TTC1: variants seen among roughly 807,000 people sequenced by gnomAD.
TTC1 encodes the protein tetratricopeptide repeat protein 1.
Under a neutral mutation model 37.6 loss-of-function variants are expected in TTC1, and 31 were observed. That is an observed-to-expected ratio of 0.82 (90% CI 0.62 to 1.11). The LOEUF is 1.11. Among genes scored for constraint, TTC1 ranks in the 50% most tolerant of loss-of-function variants. The pLI is 0.00. For synonymous variants in TTC1, 127 were observed against 122.4 expected (o/e 1.04, Z -0.25); for missense variants, 351 against 339.0 (o/e 1.04, Z -0.28).
In TTC1 at chr5:160,057,863, G is replaced by C. The variant is rs568712348; in HGVS notation, c.745+6680G>C. Among the ~76,000 whole-genome samples the C allele has an allele frequency of 2.6e-5, 4 of 152,260 alleles. No homozygotes were observed. The East Asian group carries it at 7.7e-4, about 29-fold the overall frequency. ...GGCTCACTGCAACCCCGCCTCCTGG[G>C]TTCAAACAATTCTTCTGCCTCAGCC... On this transcript the variant is annotated intron_variant, in intron 7 of 7. Coordinates refer to ENST00000231238, the MANE Select transcript of TTC1 (RefSeq NM_003314.3). This position sits in a 1 kb window ranked among gnomAD's most constrained non-coding sequence, Gnocchi z 4.4.
At chr5:160,046,099 G>A (rs538924141) in intron 5 of TTC1, among the ~76,000 whole-genome samples, 1 of 152,224 alleles carries the variant, frequency 6.6e-6, no homozygotes, top group East Asian at 1.9e-4. Flanking sequence ...TTCAATTGCT[G>A]TACCATTTAT....
At position 160,045,836 on chromosome 5, in the gene TTC1, A is replaced by G. The variant is rs186651153; in HGVS notation, c.541+2667A>G. Reference sequence around the variant, plus strand: ...TGGCTCACTGCAACCTCTGCCTCCCAGGTTCAAGCGACTCTTCTGCCTCAG... The same window carrying G: ...TGGCTCACTGCAACCTCTGCCTCCCGGGTTCAAGCGACTCTTCTGCCTCAG... On this transcript the variant is annotated intron_variant, in intron 5 of 7. Transcript: ENST00000231238. 4.0e-3 allele frequency among the ~76,000 whole-genome samples: 607 copies of G among 151,960 alleles called. 4 individuals carry two copies. The highest frequency in any genetic ancestry group is 6.4e-3 in the Non-Finnish European group (433 of 67,936).
chr5:160,040,323 G>A lies in TTC1; in HGVS notation c.505-2810G>A, dbSNP rs539538298. The stretch of plus-strand genomic sequence containing the variant: ...TGCCATGAATGGATCTTGCAGGACT[G>A]GAAATTGCTCTGGGTGAGTCAGTGA... On this transcript the variant is annotated intron_variant, in intron 4 of 7. Coordinates refer to ENST00000231238, the MANE Select transcript of TTC1 (RefSeq NM_003314.3). Among the ~76,000 whole-genome samples the A allele has an allele frequency of 1.1e-4, 17 of 152,224 alleles. No homozygotes were observed. In the East Asian group the frequency reaches 2.5e-3, roughly 22 times the overall value.
chr5:160,041,090 C>T (rs964512657), intron 4 of TTC1, among the ~76,000 whole-genome samples: 1 of 151,896 alleles, frequency 6.6e-6, no homozygotes, highest in Admixed American at 6.6e-5. Context: ...TCCTCAAGAG[C>T]GACACATACA....
intron 4 of TTC1, among the ~76,000 whole-genome samples, chr5:160,039,942 A>G (rs997938421): frequency 6.6e-6 from 1 of 152,216 alleles, no homozygotes. Context: ...TGGCCATTTT[A>G]AAGTACAGTC....
intron 7 of TTC1, among the ~76,000 whole-genome samples, chr5:160,054,069 G>T (rs9791023): frequency 0.041 from 6,257 of 152,062 alleles, 159 homozygotes; most frequent in East Asian, 0.12. Flanking sequence ...AGTGGGGGTT[G>T]GTTGTTTTTG....
At chr5:160,041,644 G>A (rs1419651808) in intron 4 of TTC1, among the ~76,000 whole-genome samples, 1 of 152,048 alleles carries the variant, frequency 6.6e-6, no homozygotes, top group African/African-American at 2.4e-5. Context: ...TTGCAGTGCA[G>A]TAGGTTTGTT....
In TTC1 at chr5:160,040,801, TG is replaced by T. The variant is rs535513806; in HGVS notation, c.505-2328del. On this transcript the variant is annotated intron_variant, in intron 4 of 7. Coordinates refer to ENST00000231238, the MANE Select transcript of TTC1 (RefSeq NM_003314.3). ...TTTTTTTTTTTAATTTTTTTAGAAA[TG>T]GGGTCTTGTGTTTCACAGATTAGTC... is the stretch of plus-strand genomic sequence containing the variant. 1.3e-4 allele frequency among the ~76,000 whole-genome samples: 19 copies of T among 151,884 alleles called. No homozygotes were observed. The South Asian group carries it at 4.0e-3, about 32-fold the overall frequency.
chr5:160,018,148 C>T (rs1462408565), intron 2 of TTC1, among the ~76,000 whole-genome samples: 1 of 152,158 alleles, frequency 6.6e-6, no homozygotes, highest in African/African-American at 2.4e-5. Context: ...TTGGGCCCTT[C>T]TACTCCCCTT....
chr5:160,011,929 A>C (rs1756508851), intron 2 of TTC1, among the ~76,000 whole-genome samples: 1 of 152,200 alleles, frequency 6.6e-6, no homozygotes, highest in South Asian at 2.1e-4. Flanking sequence ...TGGGGTGGGT[A>C]GGAGCATCTT....
At chr5:160,032,307 C>CTT (rs1156733058) in intron 2 of TTC1, among the ~76,000 whole-genome samples, 1 of 152,184 alleles carries the variant, frequency 6.6e-6, no homozygotes, top group African/African-American at 2.4e-5. Flanking sequence ...ATTGAAAACT[C>CTT]TTAAAGAGTG....
At chr5:160,064,875 A>G (rs1753552856) in intron 7 of TTC1, 57 bp from the exon 8 acceptor site, 1 of 1,553,718 alleles carries the variant, frequency 6.4e-7, no homozygotes. Context: ...ATTAATTGGT[A>G]CCTTCCTGCT....
intron 7 of TTC1, among the ~76,000 whole-genome samples, chr5:160,053,469 TGGGA>T (rs1288211314): frequency 6.6e-6 from 1 of 151,986 alleles, no homozygotes; most frequent in Non-Finnish European, 1.5e-5. Flanking sequence ...GAGGCTGCTG[TGGGA>T]GGATCACTTG....
intron 7 of TTC1, among the ~76,000 whole-genome samples, chr5:160,062,552 G>C (rs1753452870): frequency 1.3e-5 from 2 of 152,220 alleles, no homozygotes; most frequent in Non-Finnish European, 2.9e-5. Context: ...TTACATGATA[G>C]ATGCCAAGTA....
At chr5:160,023,099 C>CA (rs898560646) in intron 2 of TTC1, among the ~76,000 whole-genome samples, 5 of 151,318 alleles carry the variant, frequency 3.3e-5, no homozygotes, top group African/African-American at 4.8e-5. Flanking sequence ...ACTAAAAATA[C>CA]AAAAAAAATA....
rs1753567153 is a variant in TTC1, at chr5:160,065,124, A to G, written c.*59A>G. 2 of 1,585,246 alleles carry G rather than the reference A, an allele frequency of 1.3e-6. No homozygotes were observed. The highest frequency in any genetic ancestry group is 1.8e-5 in the Admixed American group (1 of 55,120). On this transcript the variant is annotated 3_prime_UTR_variant, in exon 8 of 8. Coordinates refer to ENST00000231238, the MANE Select transcript of TTC1 (RefSeq NM_003314.3). ...AATTGTGTGCTGCTTGCTGTTAGCT[A>G]GGGGAAAGGCCCTGCCAATGTTTAA...
chr5:160,045,327 T>C (rs147287039), intron 5 of TTC1, among the ~76,000 whole-genome samples: 1 of 152,094 alleles, frequency 6.6e-6, no homozygotes, highest in African/African-American at 2.4e-5. Flanking sequence ...TGTTTTTGGA[T>C]TTGCTTAAAC....
chr5:160,016,379 A>G, intron 2 of TTC1, among the ~76,000 whole-genome samples: 1 of 152,200 alleles, frequency 6.6e-6, no homozygotes, highest in East Asian at 1.9e-4. Flanking sequence ...CTCTGTCTCA[A>G]TAAATAAATA....
intron 2 of TTC1, among the ~76,000 whole-genome samples, chr5:160,033,855 G>A (rs1212503098): frequency 6.6e-6 from 1 of 152,206 alleles, no homozygotes; most frequent in Admixed American, 6.5e-5. Context: ...CTTCTCTTGT[G>A]CATGAAATAC....
Sources: allele counts gnomAD v4.1 joint callset (sites outside exome capture counted in the v4.1 genomes callset), GRCh38; gene constraint gnomAD v4.1.1; non-coding constraint Gnocchi (gnomAD v3.1); transcripts MANE v1.5; gene names NCBI Gene and HGNC (gene_info 2026-07-23, HGNC 2026-07-21).